The following DPP10 variants were observed in gnomAD, a reference collection of about 807,000 sequenced individuals.
DPP10 encodes the protein inactive dipeptidyl peptidase 10.
Under a neutral mutation model 120.9 loss-of-function variants are expected in DPP10, and 33 were observed. The ratio of observed to expected loss-of-function variants is 0.27; its 90% confidence interval spans 0.21 to 0.37. The LOEUF is 0.37. Among genes scored for constraint, DPP10 ranks in the 10% least tolerant of loss-of-function variants. The pLI is 1.00. For synonymous variants in DPP10, 337 were observed against 326.1 expected, an observed-to-expected ratio of 1.03 and a Z score of -0.36; for missense variants, 816 against 942.8, an observed-to-expected ratio of 0.87 and a Z score of 1.76.
chr2:114,539,236 T>A (rs1835327), intron 1 of DPP10, among the ~76,000 whole-genome samples: 146,376 of 148,750 alleles, frequency 0.98, 72,045 homozygotes, highest in Middle Eastern at 1. Flanking sequence ...TACAATATAT[T>A]AAAAATATAT....
intron 1 of DPP10, among the ~76,000 whole-genome samples, chr2:114,804,178 G>T (rs1449682938): frequency 2.6e-5 from 4 of 152,240 alleles, no homozygotes; most frequent in Admixed American, 1.3e-4. Flanking sequence ...TTGAGGCTGT[G>T]GGGGCACAGA....
chr2:114,462,375 C>T (rs567296220), intron 1 of DPP10, among the ~76,000 whole-genome samples: 112 of 152,332 alleles, frequency 7.4e-4, no homozygotes, highest in African/African-American at 2.3e-3. Flanking sequence ...AGGATCCCCT[C>T]TAACACATGA....
Position 115,528,874 on chromosome 2 carries a change from C to G in DPP10, c.441+2902C>G, listed in dbSNP as rs371896565. On this transcript the variant is annotated intron_variant, in intron 5 of 25. Coordinates refer to ENST00000410059, the MANE Select transcript of DPP10 (RefSeq NM_020868.6). ...GAGAAAAGGAGGGAAATGAGAGCAG[C>G]TTTTTTTGTTTTATGGGACAACAAG... Among the ~76,000 whole-genome samples the G allele has an allele frequency of 2.1e-4, 32 of 151,866 alleles. No homozygotes were observed. The East Asian group carries it at 6.2e-3, about 30-fold the overall frequency.
At chr2:115,065,362 G>C (rs975425936) in intron 1 of DPP10, among the ~76,000 whole-genome samples, 3 of 152,134 alleles carry the variant, frequency 2.0e-5, no homozygotes, top group African/African-American at 7.2e-5. Flanking sequence ...TGGCCCATCT[G>C]TTCCAGTAAT....
chr2:114,653,027 A>AGAGAGTGTGTGTGTGT (rs1553476958), intron 1 of DPP10, among the ~76,000 whole-genome samples: 1 of 135,774 alleles, frequency 7.4e-6, no homozygotes, highest in African/African-American at 3.1e-5. Context: ...AGAGAGAGAG[A>AGAGAGTGTGTGTGTGT]GTGTGTGTGT....
chr2:114,795,477 G>A (rs2106256450), intron 1 of DPP10, among the ~76,000 whole-genome samples: 1 of 151,530 alleles, frequency 6.6e-6, no homozygotes, highest in East Asian at 1.9e-4. Flanking sequence ...GGCAACAAGA[G>A]TGAAACGTCA....
chr2:115,114,666 C>T (rs1255948100), intron 1 of DPP10, among the ~76,000 whole-genome samples: 3 of 152,228 alleles, frequency 2.0e-5, no homozygotes, highest in South Asian at 2.1e-4. Flanking sequence ...CACATTCTAA[C>T]GCAAGTGAGT....
chr2:115,150,306 C>G (rs990394289), intron 1 of DPP10, among the ~76,000 whole-genome samples: 1 of 152,122 alleles, frequency 6.6e-6, no homozygotes, highest in African/African-American at 2.4e-5. Context: ...AATGATATCT[C>G]CAAATGAAAA....
At chr2:115,434,611 A>G (rs1175224951) in intron 3 of DPP10, among the ~76,000 whole-genome samples, 8 of 111,340 alleles carry the variant, frequency 7.2e-5, no homozygotes, top group Non-Finnish European at 9.7e-5. Flanking sequence ...ATGCATGTAT[A>G]TAAGATTTAA....
chr2:114,685,632 T>C (rs1699314732), intron 1 of DPP10, among the ~76,000 whole-genome samples: 1 of 152,008 alleles, frequency 6.6e-6, no homozygotes, highest in Non-Finnish European at 1.5e-5. Context: ...TATATTTCCA[T>C]GTTTAGCAAA....
chr2:115,664,551 G>A (rs1450335923), intron 5 of DPP10, among the ~76,000 whole-genome samples: 1 of 152,090 alleles, frequency 6.6e-6, no homozygotes, highest in African/African-American at 2.4e-5. Context: ...TAAAATGGGG[G>A]CAAGTACTGG....
At chr2:114,921,344 T>C (rs1695183021) in intron 1 of DPP10, among the ~76,000 whole-genome samples, 1 of 152,166 alleles carries the variant, frequency 6.6e-6, no homozygotes, top group African/African-American at 2.4e-5. Context: ...TTGGAATGCT[T>C]TAAAGAACCA....
At chr2:115,060,013 C>A (rs1392449853) in intron 1 of DPP10, among the ~76,000 whole-genome samples, 2 of 151,980 alleles carry the variant, frequency 1.3e-5, no homozygotes, top group Non-Finnish European at 2.9e-5. Context: ...TGTTTCCAAC[C>A]CTTATCTTCA....
intron 2 of DPP10, among the ~76,000 whole-genome samples, chr2:115,332,478 G>A (rs2062813233): frequency 6.6e-6 from 1 of 152,034 alleles, no homozygotes; most frequent in Non-Finnish European, 1.5e-5. Context: ...TTTTGAATGT[G>A]TTTGCTTTTG....
At chr2:115,377,805 A>G (rs2065933616) in intron 3 of DPP10, among the ~76,000 whole-genome samples, 1 of 152,152 alleles carries the variant, frequency 6.6e-6, no homozygotes, top group Non-Finnish European at 1.5e-5. Flanking sequence ...TTTATTAAAT[A>G]GGGAATCCTT....
At chr2:115,307,230 T>A (rs2061393461) in intron 1 of DPP10, among the ~76,000 whole-genome samples, 1 of 152,108 alleles carries the variant, frequency 6.6e-6, no homozygotes, top group African/African-American at 2.4e-5. Flanking sequence ...CTATTATTAC[T>A]CTTTGTTAGA....
At position 115,843,279 on chromosome 2, in the gene DPP10, A is replaced by C. The variant is rs1325760899; in HGVS notation, c.*934A>C. 6.5e-6 allele frequency: 1 copy of C among 152,746 alleles called. No homozygotes were observed. Among genetic ancestry groups the C allele is most frequent in the East Asian group, 1.9e-4 (1 of 5,176 alleles). 9.5% of individuals were successfully genotyped at this position (152,746 alleles called of 1,614,324 possible). A position where few individuals can be genotyped will look rare whatever the true frequency, so the allele number is the denominator to read the frequency against. On this transcript the variant is annotated 3_prime_UTR_variant, in exon 26 of 26. Coordinates refer to ENST00000410059, the MANE Select transcript of DPP10 (RefSeq NM_020868.6). ...TGATACCTTGTCACATGTAAATTAG[A>C]TACTTAAATATTAAATTATAGTTTC...
At chr2:115,373,486 G>A (rs1023967194) in intron 3 of DPP10, among the ~76,000 whole-genome samples, 13 of 115,018 alleles carry the variant, frequency 1.1e-4, no homozygotes, top group Non-Finnish European at 2.2e-4. Context: ...ATTGATCATA[G>A]GATGAAGGGG....
chr2:115,820,455 G>T, intron 21 of DPP10, among the ~76,000 whole-genome samples: 1 of 150,112 alleles, frequency 6.7e-6, no homozygotes, highest in African/African-American at 2.5e-5. Context: ...TTTCAACAGA[G>T]GTTTGAGGAC....
Sources: allele counts gnomAD v4.1 joint callset (sites outside exome capture counted in the v4.1 genomes callset), GRCh38; gene constraint gnomAD v4.1.1; transcripts MANE v1.5; gene names NCBI Gene and HGNC (gene_info 2026-07-23, HGNC 2026-07-21).